Variants in ANKRD55 observed in about 807,000 individuals in gnomAD.
ANKRD55 encodes the protein ankyrin repeat domain-containing protein 55.
Under a neutral mutation model 60.6 loss-of-function variants are expected in ANKRD55, and 41 were observed. The ratio of observed to expected loss-of-function variants is 0.68; its 90% CI spans 0.53 to 0.88. ANKRD55 has a LOEUF of 0.88. Among genes scored for constraint, ANKRD55 ranks in the 40% least tolerant of loss-of-function variants. The pLI is 0.00. For synonymous variants in ANKRD55, 264 were observed against 290.3 expected, an observed-to-expected ratio of 0.91 and a Z score of 0.92; for missense variants, 732 against 767.6, an observed-to-expected ratio of 0.95 and a Z score of 0.55.
At chr5:56,119,612 G>A (rs1399617251) in intron 8 of ANKRD55, among the ~76,000 whole-genome samples, 2 of 152,020 alleles carry the variant, frequency 1.3e-5, no homozygotes, top group Admixed American at 1.3e-4. Flanking sequence ...AGATTTATTT[G>A]GTTTAAAAAT....
intron 8 of ANKRD55, among the ~76,000 whole-genome samples, chr5:56,125,967 C>T (rs1216500986): frequency 6.6e-6 from 1 of 151,822 alleles, no homozygotes; most frequent in Non-Finnish European, 1.5e-5. Context: ...AACCCTGTCT[C>T]TAATAAAAAT....
chr5:56,204,749 T>C (rs1037546404), intron 2 of ANKRD55, among the ~76,000 whole-genome samples: 1 of 152,176 alleles, frequency 6.6e-6, no homozygotes, highest in Admixed American at 6.5e-5. Flanking sequence ...AAATCTTTAA[T>C]TTTATGAAGG....
At chr5:56,161,948 T>G in intron 5 of ANKRD55, 1 of 982,674 alleles carries the variant, frequency 1.0e-6, no homozygotes, top group Non-Finnish European at 1.2e-6. Flanking sequence ...TATATTTCCC[T>G]GTGGCTGCTT....
At chr5:56,174,123 TG>T (rs1206864667) in intron 4 of ANKRD55, among the ~76,000 whole-genome samples, 2 of 152,114 alleles carry the variant, frequency 1.3e-5, no homozygotes, top group Non-Finnish European at 2.9e-5. Flanking sequence ...CACCACATGG[TG>T]TCCTGCTGGC....
chr5:56,231,114 T>C (rs1331739521), intron 2 of ANKRD55, among the ~76,000 whole-genome samples: 3 of 152,210 alleles, frequency 2.0e-5, no homozygotes, highest in Non-Finnish European at 2.9e-5. Context: ...GATCTGCCAT[T>C]CTGATCTACG....
Position 56,135,292 on chromosome 5 carries a change from T to TTTCTTTCTTTCTTTC in ANKRD55, c.613-8187_613-8186insGAAAGAAAGAAAGAA, listed in dbSNP as rs1757546052. Among the ~76,000 whole-genome samples the TTTCTTTCTTTCTTTC allele has an allele frequency of 1.5e-4, 12 of 82,484 alleles. 1 individual carries two copies. The highest frequency in any genetic ancestry group is 5.5e-4 in the African/African-American group (12 of 21,806). The allele number at this position is 82,484 out of a possible 152,430, so 54.1% of individuals were successfully genotyped here. A position where few individuals can be genotyped will look rare whatever the true frequency, so the allele number is the denominator to read the frequency against. The stretch of plus-strand genomic sequence containing the variant: ...CCTCCCTCCCTCCCTGCCTGCCTGC[T>TTTCTTTCTTTCTTTC]TGCTTTCTTTCTTTCTTTCTTTCTT... On this transcript the variant is annotated intron_variant, in intron 7 of 11. Transcript: ENST00000341048.
chr5:56,123,743 G>C (rs902311509), intron 8 of ANKRD55, among the ~76,000 whole-genome samples: 1 of 152,098 alleles, frequency 6.6e-6, no homozygotes, highest in Non-Finnish European at 1.5e-5. Context: ...ACATGGAAGC[G>C]ATCCAGAAGA....
intron 7 of ANKRD55, among the ~76,000 whole-genome samples, chr5:56,130,622 A>T (rs1386422776): frequency 6.6e-6 from 1 of 152,224 alleles, no homozygotes; most frequent in Non-Finnish European, 1.5e-5. Context: ...AAGGTGAATA[A>T]CACAATATCT....
intron 2 of ANKRD55, among the ~76,000 whole-genome samples, chr5:56,203,434 T>C (rs1030942368): frequency 6.6e-6 from 1 of 152,116 alleles, no homozygotes; most frequent in Non-Finnish European, 1.5e-5. Context: ...GCCATGTTGT[T>C]GTGCTGCACC....
At position 56,158,749 on chromosome 5, in the gene ANKRD55, AGTGAT is replaced by A. The variant is rs370306974; in HGVS notation, c.483+1079_483+1083del. ...CACTCTGTCACCCAGGCTAGGGTGC[AGTGAT>A]GTGATCATATCTCACTGTAACCTTG... On this transcript the variant is annotated intron_variant, in intron 6 of 11. Transcript: ENST00000341048. Among the ~76,000 whole-genome samples the A allele has an allele frequency of 4.2e-3, 640 of 152,338 alleles. 2 individuals carry two copies. Among genetic ancestry groups the A allele is most frequent in the African/African-American group, 0.015 (623 of 41,574 alleles).
intron 7 of ANKRD55, among the ~76,000 whole-genome samples, chr5:56,140,580 A>G (rs1412444265): frequency 6.6e-6 from 1 of 152,248 alleles, no homozygotes; most frequent in Non-Finnish European, 1.5e-5. Flanking sequence ...TGGATGCTCA[A>G]GAAGTATTTA....
At chr5:56,110,206 G>A (rs1229687698) in intron 10 of ANKRD55, among the ~76,000 whole-genome samples, 1 of 150,008 alleles carries the variant, frequency 6.7e-6, no homozygotes, top group Admixed American at 6.6e-5. Flanking sequence ...CCACCAGCCT[G>A]GGAAACACAG....
In ANKRD55 at chr5:56,166,254, T is replaced by TTTCC. The variant is rs201171927; in HGVS notation, c.422+4436_422+4439dup. Among the ~76,000 whole-genome samples, 656 of 145,482 alleles carry TTTCC rather than the reference T, an allele frequency of 4.5e-3. 5 individuals are homozygous for TTTCC. Among genetic ancestry groups the TTTCC allele is most frequent in the Middle Eastern group, 0.028 (8 of 290 alleles). On this transcript the variant is annotated intron_variant, in intron 5 of 11. Transcript: ENST00000341048. ...CTTTCTCTCTATCTTTCTCTCTTTCTTTCCTTCCTTCCTTCCTTCCTTCCT... is the reference window on the plus strand; with the variant it reads ...CTTTCTCTCTATCTTTCTCTCTTTCTTTCCTTCCTTCCTTCCTTCCTTCCTTCCT...
chr5:56,214,494 C>G lies in ANKRD55; in HGVS notation c.58+18362G>C, dbSNP rs1045832675. 3.9e-5 allele frequency among the ~76,000 whole-genome samples: 6 copies of G among 152,208 alleles called. 1 individual carries two copies. The highest frequency in any genetic ancestry group is 3.9e-4 in the Admixed American group (6 of 15,280). On this transcript the variant is annotated intron_variant, in intron 2 of 11. Transcript: ENST00000341048. ...ATCCTATAACCCACACCAACAGTTT[C>G]AAACAATCTTTTGTAGTATAATCAT...
intron 2 of ANKRD55, among the ~76,000 whole-genome samples, chr5:56,215,358 G>A (rs554556099): frequency 6.6e-6 from 1 of 152,250 alleles, no homozygotes; most frequent in East Asian, 1.9e-4. Context: ...TTGCTCCAAG[G>A]GCAGACTGCC....
At chr5:56,114,316 G>A (rs318801) in intron 9 of ANKRD55, 23,088 of 152,896 alleles carry the variant, frequency 0.15, 1,950 homozygotes, top group South Asian at 0.22. Context: ...CAACAAGAGC[G>A]AAACTCCATC....
chr5:56,108,128 C>T (rs1756549972), intron 10 of ANKRD55: 1 of 152,318 alleles, frequency 6.6e-6, no homozygotes, highest in Admixed American at 6.5e-5. Context: ...CTCCCTTGGC[C>T]TCTCAAAGTG....
At chr5:56,204,147 A>G (rs939627123) in intron 2 of ANKRD55, among the ~76,000 whole-genome samples, 10 of 152,056 alleles carry the variant, frequency 6.6e-5, no homozygotes, top group Non-Finnish European at 8.8e-5. Context: ...GTGTCTGTTC[A>G]TATCTTTTGC....
At chr5:56,148,500 A>T (rs192224986) in intron 6 of ANKRD55, among the ~76,000 whole-genome samples, 4 of 152,312 alleles carry the variant, frequency 2.6e-5, no homozygotes, top group Non-Finnish European at 4.4e-5. Context: ...CTGATTTTAG[A>T]TTGCTGATAA....
Sources: allele counts gnomAD v4.1 joint callset (sites outside exome capture counted in the v4.1 genomes callset), GRCh38; gene constraint gnomAD v4.1.1; transcripts MANE v1.5; gene names NCBI Gene and HGNC (gene_info 2026-07-23, HGNC 2026-07-21).